NPAS3: variants seen among roughly 807,000 people sequenced by gnomAD.
The protein encoded by NPAS3 is neuronal PAS domain-containing protein 3.
A neutral mutation model predicts 73.1 loss-of-function variants in NPAS3; 14 were observed. The observed-to-expected ratio is 0.19, with a 90% CI of 0.13 to 0.30. NPAS3 has a LOEUF of 0.30. Ranked by LOEUF, NPAS3 falls within the 10% of genes least tolerant of loss-of-function variation. The probability of loss-of-function intolerance (pLI) is 1.00; values close to 1 mark genes in which losing one functional copy is unlikely to be tolerated. For synonymous variants in NPAS3, 620 were observed against 541.5 expected (o/e 1.14, Z -2.01); for missense variants, 1,096 against 1,250.0 (o/e 0.88, Z 1.86).
chr14:33,069,510 T>C (rs928691407), intron 2 of NPAS3, among the ~76,000 whole-genome samples: 7 of 152,238 alleles, frequency 4.6e-5, no homozygotes, highest in African/African-American at 7.2e-5. Context: ...GTGCAGGCTA[T>C]GATGGAGACG....
chr14:33,151,990 C>G (rs2044462666), intron 2 of NPAS3, among the ~76,000 whole-genome samples: 1 of 152,002 alleles, frequency 6.6e-6, no homozygotes, highest in African/African-American at 2.4e-5. Flanking sequence ...TTTATTTTTT[C>G]TCCTTCACTC....
In NPAS3 at chr14:33,690,969, C is replaced by T. The variant is rs539297004; in HGVS notation, c.733+14584C>T. Among the ~76,000 whole-genome samples the T allele has an allele frequency of 2.2e-4, 34 of 151,906 alleles. No homozygotes were observed. The South Asian group carries it at 5.4e-3, about 24-fold the overall frequency. On this transcript the variant is annotated intron_variant, in intron 6 of 11. Coordinates refer to ENST00000356141, the Ensembl canonical transcript of NPAS3. ...TAAATGATTTAAGTGTCCCACAAGACGAATGTGCTTTAATCATCTAATGCA... is the reference window on the plus strand; with the variant it reads ...TAAATGATTTAAGTGTCCCACAAGATGAATGTGCTTTAATCATCTAATGCA...
intron 5 of NPAS3, chr14:33,578,444 T>C: frequency 2.9e-6 from 1 of 345,768 alleles, no homozygotes; most frequent in East Asian, 8.3e-5. Context: ...TCTGCCCGCC[T>C]CAGCCTCCCA....
chr14:33,583,788 T>C (rs1017382388), intron 5 of NPAS3, among the ~76,000 whole-genome samples: 1 of 152,182 alleles, frequency 6.6e-6, no homozygotes, highest in South Asian at 2.1e-4. Context: ...TTAAGAAAAG[T>C]AGTGGATTAA....
intron 3 of NPAS3, among the ~76,000 whole-genome samples, chr14:33,364,737 A>G (rs1209710898): frequency 1.3e-5 from 2 of 152,146 alleles, no homozygotes; most frequent in Non-Finnish European, 2.9e-5. Flanking sequence ...CAGCGGGAAA[A>G]GAAAGGCCAT....
At chr14:33,707,995 A>T (rs2060705932) in intron 6 of NPAS3, among the ~76,000 whole-genome samples, 2 of 152,146 alleles carry the variant, frequency 1.3e-5, no homozygotes, top group South Asian at 4.1e-4. Context: ...CCACAGTAGA[A>T]ATTACATTTT....
intron 2 of NPAS3, among the ~76,000 whole-genome samples, chr14:33,186,332 G>A (rs571122875): frequency 3.3e-5 from 5 of 152,324 alleles, no homozygotes; most frequent in East Asian, 1.9e-4. Flanking sequence ...GTTGAGGGCT[G>A]TAATGATTTT....
At chr14:33,736,786 A>C (rs935420835) in intron 7 of NPAS3, among the ~76,000 whole-genome samples, 1 of 152,164 alleles carries the variant, frequency 6.6e-6, no homozygotes, top group East Asian at 1.9e-4. Context: ...ACATCCCAGG[A>C]GGGAAGAAGG....
intron 3 of NPAS3, among the ~76,000 whole-genome samples, chr14:33,244,927 T>C (rs1400217365): frequency 6.6e-6 from 1 of 152,194 alleles, no homozygotes; most frequent in African/African-American, 2.4e-5. Flanking sequence ...TTTAAACTTC[T>C]TTTCTTGTTT....
chr14:33,261,471 T>C (rs529591065), intron 3 of NPAS3, among the ~76,000 whole-genome samples: 5 of 152,224 alleles, frequency 3.3e-5, no homozygotes, highest in African/African-American at 1.2e-4. Flanking sequence ...ATTGTACATA[T>C]ATTTAAAAGA....
chr14:33,657,876 A>G (rs763094963), intron 5 of NPAS3, among the ~76,000 whole-genome samples: 1 of 152,174 alleles, frequency 6.6e-6, no homozygotes, highest in Non-Finnish European at 1.5e-5. Context: ...TAGGTGAGGG[A>G]TGTCAAATTG....
downstream of NPAS3, chr14:33,802,896 T>A (rs1353081841): frequency 2.0e-5 from 3 of 151,880 alleles, no homozygotes; most frequent in Non-Finnish European, 4.4e-5. Flanking sequence ...CTTTCCCATC[T>A]CCCCCTCTCC....
intron 3 of NPAS3, among the ~76,000 whole-genome samples, chr14:33,259,441 T>C (rs1050180599): frequency 4.6e-5 from 7 of 152,224 alleles, no homozygotes; most frequent in Non-Finnish European, 1.0e-4. Flanking sequence ...ACTTTTATGA[T>C]TTCACTTAAA....
intron 2 of NPAS3, among the ~76,000 whole-genome samples, chr14:33,066,366 T>C (rs1245862823): frequency 2.0e-5 from 3 of 152,220 alleles, no homozygotes; most frequent in African/African-American, 7.2e-5. Flanking sequence ...AGCAAGATTG[T>C]TTACCCTCTG....
chr14:33,543,383 C>G (rs900928655), intron 4 of NPAS3, among the ~76,000 whole-genome samples: 3 of 152,152 alleles, frequency 2.0e-5, no homozygotes, highest in Non-Finnish European at 4.4e-5. Flanking sequence ...GTTTTAGTAC[C>G]TAGAACCTTC....
chr14:33,373,843 C>T (rs2046202278), intron 4 of NPAS3, among the ~76,000 whole-genome samples: 1 of 152,072 alleles, frequency 6.6e-6, no homozygotes, highest in Non-Finnish European at 1.5e-5. Flanking sequence ...TGAGTAAGAG[C>T]CTCCAAGAAC....
chr14:33,766,449 T>C (rs1436438427), intron 7 of NPAS3, among the ~76,000 whole-genome samples: 1 of 152,162 alleles, frequency 6.6e-6, no homozygotes, highest in Non-Finnish European at 1.5e-5. Flanking sequence ...TTTTATGTAA[T>C]TGTAGACTTT....
chr14:33,063,389 T>A (rs936708123), intron 2 of NPAS3, among the ~76,000 whole-genome samples: 14 of 152,154 alleles, frequency 9.2e-5, no homozygotes, highest in South Asian at 2.1e-4. Context: ...GAAGGCAGGA[T>A]GTGGTGGAAT....
intron 3 of NPAS3, among the ~76,000 whole-genome samples, chr14:33,349,776 A>G (rs2044939837): frequency 1.3e-5 from 2 of 152,248 alleles, no homozygotes; most frequent in African/African-American, 4.8e-5. Flanking sequence ...CCTGATGGGA[A>G]TATGAGCTTC....
Sources: gnomAD v4.1 joint callset for allele counts (sites outside exome capture counted in the v4.1 genomes callset) on GRCh38, gnomAD v4.1.1 for gene constraint, MANE v1.5 for transcripts, NCBI Gene and HGNC (gene_info 2026-07-23, HGNC 2026-07-21) for gene names.